The following JARID2 variants were observed in gnomAD, a reference collection of about 807,000 sequenced individuals.
The protein encoded by JARID2 is protein Jumonji.
Under a neutral mutation model 125.6 loss-of-function variants are expected in JARID2, and 21 were observed. The ratio of observed to expected loss-of-function variants is 0.17; its 90% CI spans 0.12 to 0.24. The LOEUF is 0.24. Ranked by LOEUF, JARID2 falls within the 10% of genes least tolerant of loss-of-function variation. The pLI is 1.00. For missense variants in JARID2, 1,303 were observed against 1,639.6 expected, an observed-to-expected ratio of 0.79 and a Z score of 3.55; for synonymous variants, 736 against 661.6, an observed-to-expected ratio of 1.11 and a Z score of -1.73.
At chr6:15,402,324 C>G (rs1162142929) in intron 2 of JARID2, among the ~76,000 whole-genome samples, 1 of 152,110 alleles carries the variant, frequency 6.6e-6, no homozygotes, top group Non-Finnish European at 1.5e-5. Context: ...CTTTTGGTAC[C>G]TTACATTTGT....
intron 3 of JARID2, among the ~76,000 whole-genome samples, chr6:15,444,613 AT>A (rs35141256): frequency 1.2e-3 from 179 of 143,482 alleles, no homozygotes; most frequent in Non-Finnish European, 1.4e-3. Context: ...AACACAGGAA[AT>A]TTTTTTTTTT....
chr6:15,322,721 A>G (rs1034668968), intron 1 of JARID2, among the ~76,000 whole-genome samples: 2 of 152,172 alleles, frequency 1.3e-5, no homozygotes, highest in South Asian at 2.1e-4. Context: ...CAAATTAGGG[A>G]GCCAGCAGCT....
At chr6:15,249,917 A>G (rs1221891014) in intron 1 of JARID2, among the ~76,000 whole-genome samples, 1 of 152,210 alleles carries the variant, frequency 6.6e-6, no homozygotes, top group Non-Finnish European at 1.5e-5. Context: ...CGACTTGGAC[A>G]ATAAAAACAG....
chr6:15,258,192 G>A (rs982067649), intron 1 of JARID2, among the ~76,000 whole-genome samples: 3 of 152,128 alleles, frequency 2.0e-5, no homozygotes, highest in African/African-American at 4.8e-5. Context: ...GCATTTTTTG[G>A]TTGCTTACCA....
At chr6:15,504,372 T>C (rs1770893286) in intron 8 of JARID2, 128 bp from the exon 9 acceptor site, 2 of 679,374 alleles carry the variant, frequency 2.9e-6, no homozygotes, top group Non-Finnish European at 5.3e-6. Context: ...TGTCATTAAC[T>C]CAGAATACAA....
At chr6:15,513,194 G>A (rs774164900) in intron 15 of JARID2, 45 bp from the exon 16 acceptor site, 20 of 1,556,928 alleles carry the variant, frequency 1.3e-5, no homozygotes, top group Non-Finnish European at 1.7e-5. Flanking sequence ...TGGTGAGCAT[G>A]GCAGGCCGTC....
chr6:15,364,082 G>A (rs913682206), intron 1 of JARID2, among the ~76,000 whole-genome samples: 12 of 152,248 alleles, frequency 7.9e-5, no homozygotes, highest in African/African-American at 2.2e-4. Context: ...GACAATATAC[G>A]TATACTTCTG....
At chr6:15,395,198 C>A (rs1474558217) in intron 2 of JARID2, among the ~76,000 whole-genome samples, 1 of 152,110 alleles carries the variant, frequency 6.6e-6, no homozygotes, top group African/African-American at 2.4e-5. Context: ...ATCACACTAG[C>A]AGCATATGAG....
chr6:15,396,461 T>C (rs1375890264), intron 2 of JARID2, among the ~76,000 whole-genome samples: 1 of 152,214 alleles, frequency 6.6e-6, no homozygotes, highest in Non-Finnish European at 1.5e-5. Context: ...GTTTATCAAA[T>C]AAGTCAGTAT....
intron 1 of JARID2, among the ~76,000 whole-genome samples, chr6:15,363,742 G>A (rs374943408): frequency 2.6e-5 from 4 of 152,164 alleles, no homozygotes; most frequent in Non-Finnish European, 2.9e-5. Flanking sequence ...GTGCCCTGTC[G>A]CTTGGTGGAC....
intron 1 of JARID2, among the ~76,000 whole-genome samples, chr6:15,352,311 G>A (rs1763457436): frequency 6.6e-6 from 1 of 151,916 alleles, no homozygotes; most frequent in African/African-American, 2.4e-5. Flanking sequence ...GTAGCCCCCC[G>A]CCTCTCCACC....
chr6:15,351,309 AG>A (rs2127481909), intron 1 of JARID2, among the ~76,000 whole-genome samples: 1 of 152,246 alleles, frequency 6.6e-6, no homozygotes, highest in South Asian at 2.1e-4. Flanking sequence ...TGAGTGAGTG[AG>A]GGGAAAAGCT....
chr6:15,343,651 C>A (rs1481997190), intron 1 of JARID2, among the ~76,000 whole-genome samples: 1 of 152,094 alleles, frequency 6.6e-6, no homozygotes, highest in Non-Finnish European at 1.5e-5. Context: ...ACTGTGTCCC[C>A]CAACATTGAG....
intron 8 of JARID2, among the ~76,000 whole-genome samples, chr6:15,503,266 G>A (rs1770829198): frequency 6.6e-6 from 1 of 152,198 alleles, no homozygotes; most frequent in African/African-American, 2.4e-5. Flanking sequence ...CTCTGCCTTG[G>A]TGCAGAATTC....
At chr6:15,248,037 G>C (rs1713429594) in intron 1 of JARID2, 25 of 985,284 alleles carry the variant, frequency 2.5e-5, no homozygotes, top group Non-Finnish European at 3.0e-5. Flanking sequence ...TCCGGACCTC[G>C]TTGAGGTGGA....
At chr6:15,513,197 A>AGGCCGTCACTAAAGGTGCG in intron 15 of JARID2, 42 bp from the exon 16 acceptor site, 1 of 1,556,360 alleles carries the variant, frequency 6.4e-7, no homozygotes, top group Non-Finnish European at 8.7e-7. Context: ...TGAGCATGGC[A>AGGCCGTCACTAAAGGTGCG]GGCCGTCACT....
At chr6:15,414,587 T>C (rs1437915756) in intron 3 of JARID2, among the ~76,000 whole-genome samples, 2 of 152,148 alleles carry the variant, frequency 1.3e-5, no homozygotes, top group East Asian at 3.9e-4. Context: ...CTGAGATGCC[T>C]CTTTACAAAA....
At chr6:15,391,948 G>A (rs1433173821) in intron 2 of JARID2, among the ~76,000 whole-genome samples, 14 of 152,116 alleles carry the variant, frequency 9.2e-5, no homozygotes, top group Non-Finnish European at 2.1e-4. Context: ...GGAGGGAAGC[G>A]AATGAGAAGT....
At chr6:15,324,164 G>GCT (rs1762454529) in intron 1 of JARID2, among the ~76,000 whole-genome samples, 1 of 149,452 alleles carries the variant, frequency 6.7e-6, no homozygotes, top group African/African-American at 2.5e-5. Context: ...GGGGGACAGA[G>GCT]CTAGACTCTG....
Sources: gnomAD v4.1 joint callset for allele counts (sites outside exome capture counted in the v4.1 genomes callset) on GRCh38, gnomAD v4.1.1 for gene constraint, MANE v1.5 for transcripts, NCBI Gene and HGNC (gene_info 2026-07-23, HGNC 2026-07-21) for gene names.